Variants in CPNE4 observed in about 807,000 individuals in gnomAD.
CPNE4 encodes copine 4, also known as copine-4.
A neutral mutation model predicts 67.9 loss-of-function variants in CPNE4; 25 were observed. The observed-to-expected ratio is 0.37, with a 90% CI of 0.27 to 0.51. The LOEUF is 0.51. Among genes scored for constraint, CPNE4 ranks in the 20% least tolerant of loss-of-function variants. The pLI is 0.93. For missense variants in CPNE4, 464 were observed against 690.8 expected (o/e 0.67, Z 3.68); for synonymous variants, 242 against 244.9 (o/e 0.99, Z 0.11).
chr3:131,815,710 A>G (rs1188019877), intron 2 of CPNE4, among the ~76,000 whole-genome samples: 6 of 152,200 alleles, frequency 3.9e-5, no homozygotes, highest in Admixed American at 6.5e-5. Context: ...TGGTGGACTT[A>G]TATCCTAAAG....
chr3:131,582,914 T>C (rs7640349), intron 8 of CPNE4, among the ~76,000 whole-genome samples: 9,549 of 152,216 alleles, frequency 0.063, 777 homozygotes, highest in African/African-American at 0.19. Context: ...ACTGCCAACC[T>C]AGCGAATGTT....
At chr3:131,690,998 A>G (rs780244971) in intron 5 of CPNE4, among the ~76,000 whole-genome samples, 20 of 152,226 alleles carry the variant, frequency 1.3e-4, no homozygotes, top group Non-Finnish European at 2.5e-4. Context: ...TCAAAACCAC[A>G]ATGAGATACC....
rs984369173 is a variant in CPNE4, at chr3:131,673,645, C to A, written c.592-3881G>T. ...GATTGCTGCTGGAATATAGAAATGC[C>A]ACTGATTTTTTATGTTGATTTTGTA... On this transcript the variant is annotated intron_variant, in intron 6 of 15. Coordinates refer to ENST00000429747, the MANE Select transcript of CPNE4 (RefSeq NM_130808.3). Among the ~76,000 whole-genome samples the A allele has an allele frequency of 3.3e-5, 5 of 151,768 alleles. No individual in the cohort carries two copies. In the East Asian group the frequency reaches 9.6e-4, roughly 29 times the overall value.
At chr3:131,869,643 CA>C (rs2087110616) in intron 2 of CPNE4, among the ~76,000 whole-genome samples, 2 of 152,054 alleles carry the variant, frequency 1.3e-5, no homozygotes, top group Admixed American at 6.6e-5. Context: ...AGTTTTTGAA[CA>C]ATGCATTATA....
At chr3:131,595,101 C>T (rs376188599) in intron 7 of CPNE4, among the ~76,000 whole-genome samples, 8 of 152,172 alleles carry the variant, frequency 5.3e-5, no homozygotes, top group Admixed American at 1.3e-4. Context: ...TTGGAACCTT[C>T]GTACATTGTT....
At chr3:132,015,169 A>G (rs2073861438) in intron 1 of CPNE4, among the ~76,000 whole-genome samples, 1 of 152,334 alleles carries the variant, frequency 6.6e-6, no homozygotes, top group South Asian at 2.1e-4. Context: ...CTGCAAAGAT[A>G]ATTTGGCTCA....
intron 2 of CPNE4, among the ~76,000 whole-genome samples, chr3:131,874,334 C>T (rs956086718): frequency 2.0e-5 from 3 of 152,214 alleles, no homozygotes; most frequent in African/African-American, 4.8e-5. Context: ...ATGATTCGCC[C>T]GCCTCGGCCT....
At chr3:131,581,120 C>G (rs1937806173) in intron 9 of CPNE4, among the ~76,000 whole-genome samples, 1 of 152,168 alleles carries the variant, frequency 6.6e-6, no homozygotes, top group Non-Finnish European at 1.5e-5. Flanking sequence ...TTGCAGTGAG[C>G]CGATATCGCA....
chr3:132,007,800 T>A (rs116449069), intron 1 of CPNE4, among the ~76,000 whole-genome samples: 327 of 152,320 alleles, frequency 2.1e-3, no homozygotes, highest in African/African-American at 7.4e-3. Flanking sequence ...TGTCTCACAG[T>A]CACTTGCTCA....
intron 7 of CPNE4, among the ~76,000 whole-genome samples, chr3:131,656,827 G>A (rs1402739511): frequency 1.3e-5 from 2 of 152,208 alleles, no homozygotes; most frequent in Non-Finnish European, 2.9e-5. Context: ...CGAAGTCTGA[G>A]TGCTTCAGTT....
intron 1 of CPNE4, among the ~76,000 whole-genome samples, chr3:131,974,019 A>T (rs1223461710): frequency 6.6e-6 from 1 of 152,158 alleles, no homozygotes. Flanking sequence ...TGGCAACGAG[A>T]GTCAATAGAG....
In CPNE4 at chr3:131,852,402, GAAT is replaced by G. The variant is rs556214117; in HGVS notation, c.180+52859_180+52861del. Among the ~76,000 whole-genome samples the G allele has an allele frequency of 2.1e-4, 32 of 152,078 alleles. 1 individual carries two copies. In the East Asian group the frequency reaches 6.2e-3, roughly 29 times the overall value. ...AATCAATAGAATTCATCACACTAAAGAATAAGGGAGAAAAGCATACTGTCACCA... is the reference window on the plus strand; with the variant it reads ...AATCAATAGAATTCATCACACTAAAGAAGGGAGAAAAGCATACTGTCACCA... On this transcript the variant is annotated intron_variant, in intron 2 of 15. Coordinates refer to ENST00000429747, the MANE Select transcript of CPNE4 (RefSeq NM_130808.3).
chr3:131,773,905 T>C (rs2083230697), intron 2 of CPNE4, among the ~76,000 whole-genome samples: 2 of 152,212 alleles, frequency 1.3e-5, no homozygotes, highest in Non-Finnish European at 2.9e-5. Flanking sequence ...TACTTAATAC[T>C]GTATTAAGTT....
intron 10 of CPNE4, among the ~76,000 whole-genome samples, chr3:131,574,054 C>T (rs1459637534): frequency 6.6e-6 from 1 of 151,982 alleles, no homozygotes; most frequent in Non-Finnish European, 1.5e-5. Flanking sequence ...CTTTGAGCAC[C>T]ATCTTCCTTG....
intron 7 of CPNE4, among the ~76,000 whole-genome samples, chr3:131,656,762 A>C (rs2079980599): frequency 6.6e-6 from 1 of 152,238 alleles, no homozygotes; most frequent in Non-Finnish European, 1.5e-5. Context: ...GGTAAGTGCC[A>C]TGAAGGAGAT....
chr3:131,582,657 C>T, intron 8 of CPNE4, among the ~76,000 whole-genome samples: 1 of 152,076 alleles, frequency 6.6e-6, no homozygotes, highest in Non-Finnish European at 1.5e-5. Flanking sequence ...TCATTTTGGC[C>T]AATGGGACAT....
intron 10 of CPNE4, among the ~76,000 whole-genome samples, chr3:131,567,837 G>A (rs1937134830): frequency 6.6e-6 from 1 of 151,980 alleles, no homozygotes; most frequent in Admixed American, 6.6e-5. Context: ...ACAAGGTACA[G>A]GCTAATGCTA....
chr3:131,571,800 A>C (rs749630932), intron 10 of CPNE4, among the ~76,000 whole-genome samples: 1 of 151,960 alleles, frequency 6.6e-6, no homozygotes, highest in African/African-American at 2.4e-5. Context: ...TGGAACATGC[A>C]TTATCCACCA....
At chr3:131,743,548 C>A (rs1286603940) in intron 2 of CPNE4, among the ~76,000 whole-genome samples, 1 of 152,104 alleles carries the variant, frequency 6.6e-6, no homozygotes, top group Non-Finnish European at 1.5e-5. Flanking sequence ...TCCAGTGGTG[C>A]ACACAAAAAT....
Sources: allele counts gnomAD v4.1 joint callset (sites outside exome capture counted in the v4.1 genomes callset), GRCh38; gene constraint gnomAD v4.1.1; transcripts MANE v1.5; gene names NCBI Gene and HGNC (gene_info 2026-07-23, HGNC 2026-07-21).